The following ARHGAP6 variants were observed in gnomAD, a reference collection of about 807,000 sequenced individuals.
The protein encoded by ARHGAP6 is rho GTPase-activating protein 6.
Under a neutral mutation model 55.7 loss-of-function variants are expected in ARHGAP6, and 16 were observed. The ratio of observed to expected loss-of-function variants is 0.29; its 90% CI spans 0.19 to 0.44. The LOEUF (loss-of-function observed/expected upper bound fraction) is 0.44, where lower values mean the gene tolerates loss of function less well. Ranked by LOEUF, ARHGAP6 falls within the 20% of genes least tolerant of loss-of-function variation. The pLI is 1.00. For missense variants in ARHGAP6, 698 were observed against 808.9 expected, an observed-to-expected ratio of 0.86 and a Z score of 1.66; for synonymous variants, 382 against 360.9, an observed-to-expected ratio of 1.06 and a Z score of -0.66.
chrX:11,223,989 G>T (rs2047009402), intron 2 of ARHGAP6, among the ~76,000 whole-genome samples: 1 of 112,071 alleles, frequency 8.9e-6, no homozygotes, highest in African/African-American at 3.2e-5. Flanking sequence ...CCAAAAAGAA[G>T]ATTTCAGCTG....
chrX:11,594,027 T>TC (rs1387819385), intron 1 of ARHGAP6, among the ~76,000 whole-genome samples: 2 of 112,427 alleles, frequency 1.8e-5, no homozygotes, highest in African/African-American at 6.5e-5. Flanking sequence ...GACATACGGT[T>TC]CCCTGCTTAA....
intron 10 of ARHGAP6, among the ~76,000 whole-genome samples, chrX:11,149,728 G>A (rs1460104693): frequency 2.7e-5 from 3 of 112,236 alleles, no homozygotes; most frequent in African/African-American, 9.7e-5. Context: ...AATGATCTAT[G>A]TGATATTTGG....
chrX:11,276,894 A>G (rs190727912), intron 1 of ARHGAP6, among the ~76,000 whole-genome samples: 117 of 111,937 alleles, frequency 1.0e-3, no homozygotes, highest in Non-Finnish European at 1.6e-3. Flanking sequence ...TAAAAATCAT[A>G]TGCCATAAAA....
intron 2 of ARHGAP6, among the ~76,000 whole-genome samples, chrX:11,222,243 G>A (rs150687623): frequency 1.7e-4 from 19 of 111,846 alleles, no homozygotes; most frequent in Non-Finnish European, 3.2e-4. Context: ...GAAAATTTCT[G>A]TAGAGACGAT....
chrX:11,247,388 G>C (rs16986382), intron 2 of ARHGAP6, among the ~76,000 whole-genome samples: 15,255 of 111,844 alleles, frequency 0.14, 812 homozygotes, highest in Middle Eastern at 0.21. Flanking sequence ...AATATAATAA[G>C]GTTAAGCCAT....
intron 1 of ARHGAP6, among the ~76,000 whole-genome samples, chrX:11,380,030 T>C (rs1298832254): frequency 1.8e-5 from 2 of 111,828 alleles, no homozygotes; most frequent in Non-Finnish European, 3.8e-5. Context: ...GAGACCCATA[T>C]AAAAATAATT....
chrX:11,393,627 A>G (rs956728920), intron 1 of ARHGAP6, among the ~76,000 whole-genome samples: 5 of 111,531 alleles, frequency 4.5e-5, no homozygotes, highest in African/African-American at 1.3e-4. Flanking sequence ...ACTGTGTTCA[A>G]TGCATTACCT....
intron 3 of ARHGAP6, 82 bp from the exon 4 acceptor site, chrX:11,189,066 G>T: frequency 9.6e-7 from 1 of 1,043,649 alleles, no homozygotes; most frequent in South Asian, 2.3e-5. Flanking sequence ...ACCTAAGTAA[G>T]AACAGACATA....
intron 2 of ARHGAP6, among the ~76,000 whole-genome samples, chrX:11,242,971 T>A (rs2047304520): frequency 8.9e-6 from 1 of 111,910 alleles, no homozygotes; most frequent in South Asian, 3.8e-4. Context: ...TTTTTGATTA[T>A]CCTTTGAGCC....
At chrX:11,463,882 C>T (rs769559369) in intron 1 of ARHGAP6, among the ~76,000 whole-genome samples, 4 of 112,264 alleles carry the variant, frequency 3.6e-5, no homozygotes, top group South Asian at 7.5e-4. Flanking sequence ...TCAACTGCTT[C>T]GTAGTTGGCT....
At chrX:11,543,235 C>T (rs2051178038) in intron 1 of ARHGAP6, among the ~76,000 whole-genome samples, 1 of 112,799 alleles carries the variant, frequency 8.9e-6, no homozygotes, top group African/African-American at 3.2e-5. Context: ...TTCAAATGTC[C>T]TTAGTGGCTT....
chrX:11,476,906 T>A (rs139276305), intron 1 of ARHGAP6, among the ~76,000 whole-genome samples: 4,648 of 111,215 alleles, frequency 0.042, 232 homozygotes, highest in African/African-American at 0.14. Flanking sequence ...TGCAATCTTG[T>A]GGTATACAAA....
rs995574477 is a variant in ARHGAP6, at chrX:11,500,663, C to CAAAAAA, written c.588+163572_588+163577dup. On this transcript the variant is annotated intron_variant, in intron 1 of 12. Coordinates refer to ENST00000337414, the MANE Select transcript of ARHGAP6 (RefSeq NM_013427.3). ...CCCGGGAAACAGAGCCAGACTCTGT[C>CAAAAAA]AAAAAAAAAAAAAAAAAAAAAGAAG... 3.4e-3 allele frequency among the ~76,000 whole-genome samples: 113 copies of CAAAAAA among 33,482 alleles called. 1 individual carries two copies. The highest frequency in any genetic ancestry group is 0.017 in the Middle Eastern group (1 of 60). The allele number at this position is 33,482 out of a possible 115,157, so 29.1% of individuals were successfully genotyped here. A position where few individuals can be genotyped will look rare whatever the true frequency, so the allele number is the denominator to read the frequency against.
intron 1 of ARHGAP6, among the ~76,000 whole-genome samples, chrX:11,311,636 T>A (rs2048302435): frequency 8.9e-6 from 1 of 111,803 alleles, no homozygotes; most frequent in African/African-American, 3.3e-5. Context: ...GTTGATGCCA[T>A]TGCCTTCTGA....
At chrX:11,576,394 G>A (rs1175775830) in intron 1 of ARHGAP6, among the ~76,000 whole-genome samples, 1 of 111,826 alleles carries the variant, frequency 8.9e-6, no homozygotes, top group African/African-American at 3.2e-5. Flanking sequence ...TCTGACTAGT[G>A]AAGAAAAAAG....
chrX:11,664,482 C>T lies in ARHGAP6; in HGVS notation c.347G>A (p.Gly116Asp), dbSNP rs201256787. 5.0e-6 allele frequency: 6 copies of T among 1,208,530 alleles called. No individual in the cohort carries two copies. The East Asian group carries it at 1.8e-4, about 36-fold the overall frequency. ...PSTPQEKSPS[G>D]SFHFDYEVPL... ...AACCTCATAGTCAAAGTGAAAGCTG[C>T]CGGATGGTGACTTCTCCTGCGGGGT... is the stretch of plus-strand genomic sequence containing the variant. Residue 116 changes from glycine to aspartate, a missense_variant, in exon 1 of 13, where the codon GGC becomes GAC. Physicochemically the swap from Gly to Asp is moderately conservative, Grantham distance 94. Transcript: ENST00000337414.
In ARHGAP6 at chrX:11,174,514, TTTCTTTCC is replaced by T. The variant is rs1170259501; in HGVS notation, c.1629+3578_1629+3585del. Among the ~76,000 whole-genome samples the T allele has an allele frequency of 3.2e-3, 280 of 86,807 alleles. 1 individual carries two copies. Among genetic ancestry groups the T allele is most frequent in the African/African-American group, 0.012 (268 of 21,731 alleles). 75.4% of individuals were successfully genotyped at this position (86,807 alleles called of 115,157 possible). A position where few individuals can be genotyped will look rare whatever the true frequency, so the allele number is the denominator to read the frequency against. ...ATTCAAATCCCAAGGCCATTCTTTCTTTCTTTCCTTCCTTCCTTCCTTCCTTCCTTCCT... is the reference window on the plus strand; with the variant it reads ...ATTCAAATCCCAAGGCCATTCTTTCTTTCCTTCCTTCCTTCCTTCCTTCCT... On this transcript the variant is annotated intron_variant, in intron 8 of 12. Coordinates refer to ENST00000337414, the MANE Select transcript of ARHGAP6 (RefSeq NM_013427.3).
intron 1 of ARHGAP6, among the ~76,000 whole-genome samples, chrX:11,500,976 TTGA>T (rs56734765): frequency 0.026 from 2,847 of 111,631 alleles, 39 homozygotes; most frequent in Middle Eastern, 0.056. Flanking sequence ...TGGCAAGGTT[TTGA>T]AACCCTCATA....
At chrX:11,359,558 C>A (rs2048981015) in intron 1 of ARHGAP6, among the ~76,000 whole-genome samples, 1 of 111,789 alleles carries the variant, frequency 8.9e-6, no homozygotes, top group Non-Finnish European at 1.9e-5. Context: ...TCACCATATT[C>A]CAATGTATTC....
Sources: gnomAD v4.1 joint callset for allele counts (sites outside exome capture counted in the v4.1 genomes callset) on GRCh38, gnomAD v4.1.1 for gene constraint, MANE v1.5 for transcripts, NCBI Gene and HGNC (gene_info 2026-07-23, HGNC 2026-07-21) for gene names.